Variants in TMC1 observed in about 807,000 individuals in gnomAD.
TMC1 encodes transmembrane channel-like protein 1.
In TMC1, 84 loss-of-function variants were observed where a neutral mutation model predicts 105.8. That is an observed-to-expected ratio of 0.79 (90% CI 0.67 to 0.95). The LOEUF (loss-of-function observed/expected upper bound fraction) is 0.95. Among genes scored for constraint, TMC1 ranks in the 40% least tolerant of loss-of-function variants. The pLI, the probability that TMC1 is intolerant of heterozygous loss-of-function variation, is 0.00. For synonymous variants in TMC1, 315 were observed against 311.5 expected, an observed-to-expected ratio of 1.01 and a Z score of -0.12; for missense variants, 817 against 914.1, an observed-to-expected ratio of 0.89 and a Z score of 1.37.
chr9:72,645,479 G>T (rs2132147311), intron 4 of TMC1, among the ~76,000 whole-genome samples: 1 of 152,242 alleles, frequency 6.6e-6, no homozygotes, highest in East Asian at 1.9e-4. Context: ...CAAAATAAGA[G>T]CAGACCAGTC....
rs142655809 is a variant in TMC1 at position 72,686,941 on chromosome 9, G to A, written c.17-1768G>A. 4.0e-4 allele frequency among the ~76,000 whole-genome samples: 61 copies of A among 152,150 alleles called. 2 individuals are homozygous for A. Among genetic ancestry groups the A allele is most frequent in the African/African-American group, 7.7e-4 (32 of 41,502 alleles). Reference sequence around the variant, plus strand: ...ATTTATAAACTATTCCTTCTGTGCCGGAGAAGATGATTCATGACTCTAGCC... The same window carrying A: ...ATTTATAAACTATTCCTTCTGTGCCAGAGAAGATGATTCATGACTCTAGCC... On this transcript the variant is annotated intron_variant, in intron 5 of 23. Transcript: ENST00000297784.
intron 8 of TMC1, among the ~76,000 whole-genome samples, chr9:72,724,677 C>A (rs1347504837): frequency 6.6e-6 from 1 of 152,066 alleles, no homozygotes; most frequent in African/African-American, 2.4e-5. Flanking sequence ...CATTTCATTG[C>A]ACCCTATTTT....
chr9:72,647,727 G>T (rs564305585), intron 4 of TMC1, among the ~76,000 whole-genome samples: 22 of 152,168 alleles, frequency 1.4e-4, no homozygotes, highest in African/African-American at 4.6e-4. Flanking sequence ...TGCACAAATT[G>T]ATTTGTGTAG....
chr9:72,777,826 A>G (rs183619378), intron 13 of TMC1, among the ~76,000 whole-genome samples: 5 of 152,376 alleles, frequency 3.3e-5, no homozygotes, highest in Admixed American at 6.5e-5. Context: ...AATAACAAGC[A>G]TATGTGGTAT....
intron 10 of TMC1, among the ~76,000 whole-genome samples, chr9:72,750,212 T>C (rs1240480244): frequency 6.6e-6 from 1 of 152,240 alleles, no homozygotes; most frequent in Non-Finnish European, 1.5e-5. Context: ...TTGCTACCCA[T>C]GAACCTTCCT....
In TMC1 at chr9:72,805,546, T is replaced by A. The variant is rs964428995; in HGVS notation, c.1695+36T>A. The A allele has an allele frequency of 9.7e-4, 1,373 of 1,412,350 alleles. 1 individual carries two copies. Among genetic ancestry groups the A allele is most frequent in the African/African-American group, 4.4e-3 (296 of 66,974 alleles). 87.5% of individuals were successfully genotyped at this position (1,412,350 alleles called of 1,614,324 possible). A position where few individuals can be genotyped will look rare whatever the true frequency, so the allele number is the denominator to read the frequency against. ...TGTTAATTTTGCTTTTTTTTTTTTT[T>A]AAATTTATTTATTTTTTATTGATAA... is the stretch of plus-strand genomic sequence containing the variant. On this transcript the variant is annotated intron_variant, in intron 18 of 23. Coordinates refer to ENST00000297784, the MANE Select transcript of TMC1 (RefSeq NM_138691.3).
intron 1 of TMC1, among the ~76,000 whole-genome samples, chr9:72,535,915 A>G (rs774925034): frequency 5.3e-5 from 8 of 152,138 alleles, no homozygotes; most frequent in Non-Finnish European, 1.2e-4. Flanking sequence ...GCATTAATTT[A>G]TTCGTGAATG....
chr9:72,591,158 C>T (rs1216339699), intron 2 of TMC1, among the ~76,000 whole-genome samples: 1 of 152,032 alleles, frequency 6.6e-6, no homozygotes, highest in Non-Finnish European at 1.5e-5. Flanking sequence ...TTGGTTTGCC[C>T]TGTAGGTGTT....
At chr9:72,641,810 C>CTTTTTTTT (rs896125209) in intron 4 of TMC1, among the ~76,000 whole-genome samples, 5 of 86,996 alleles carry the variant, frequency 5.7e-5, no homozygotes, top group Non-Finnish European at 8.5e-5. Flanking sequence ...AGTCCCAAAT[C>CTTTTTTTT]TTTTTTTTTT....
At chr9:72,830,738 C>CA in intron 23 of TMC1, 56 bp downstream of exon 23, 2 of 1,146,922 alleles carry the variant, frequency 1.7e-6, no homozygotes, top group Non-Finnish European at 2.4e-6. Context: ...CTTTTTCTTT[C>CA]TTTTTTTTTT....
chr9:72,579,198 A>AGAG (rs1471029033), intron 2 of TMC1, among the ~76,000 whole-genome samples: 1 of 152,218 alleles, frequency 6.6e-6, no homozygotes, highest in Non-Finnish European at 1.5e-5. Flanking sequence ...GTATTTACTC[A>AGAG]CACTGATCCT....
Position 72,675,676 on chromosome 9 carries a change from C to CA in TMC1, c.17-13026dup, listed in dbSNP as rs531848234. On this transcript the variant is annotated intron_variant, in intron 5 of 23. Transcript: ENST00000297784. ...GAAATTGATTTCTTTAGACTGAAAA[C>CA]AAAAAAATCACTTACAATCAGGATA... is the stretch of plus-strand genomic sequence containing the variant. Among the ~76,000 whole-genome samples, 219 of 152,108 alleles carry CA rather than the reference C, an allele frequency of 1.4e-3. 1 individual carries two copies. Among genetic ancestry groups the CA allele is most frequent in the African/African-American group, 4.9e-3 (205 of 41,508 alleles).
At chr9:72,835,524 T>C (rs774620958) in intron 23 of TMC1, among the ~76,000 whole-genome samples, 5 of 152,230 alleles carry the variant, frequency 3.3e-5, no homozygotes, top group Non-Finnish European at 5.9e-5. Context: ...TTGTTATCTT[T>C]ATTGTTTTAA....
At chr9:72,741,110 CTTTTT>C (rs11361430) in intron 9 of TMC1, 1 of 151,102 alleles carries the variant, frequency 6.6e-6, no homozygotes, top group African/African-American at 2.5e-5. Context: ...TATGAGTAAT[CTTTTT>C]TTTTTTTGTT....
intron 23 of TMC1, 99 bp from the exon 24 acceptor site, chr9:72,835,852 A>G (rs1200555415): frequency 1.4e-6 from 2 of 1,405,108 alleles, no homozygotes; most frequent in East Asian, 2.4e-5. Context: ...ATTCAGAACC[A>G]TTAAGCACAC....
intron 5 of TMC1, among the ~76,000 whole-genome samples, chr9:72,681,842 C>A (rs929399807): frequency 2.6e-5 from 4 of 152,054 alleles, no homozygotes; most frequent in African/African-American, 9.7e-5. Flanking sequence ...TGTGTTTCTC[C>A]ATAGGCTTCA....
At chr9:72,628,118 G>A (rs544965282) in intron 4 of TMC1, 55 bp downstream of exon 4, 7 of 455,266 alleles carry the variant, frequency 1.5e-5, no homozygotes, top group African/African-American at 1.4e-4. Flanking sequence ...CATTGTACTG[G>A]CCTTTCACAT....
Position 72,834,850 on chromosome 9 carries a change from C to A in TMC1, c.2261-1101C>A, listed in dbSNP as rs554606620. ...CTGTTTCGTTTTTTAATAACCCCCA[C>A]CCCTTTGCCCCACCAAGCTTGACTG... On this transcript the variant is annotated intron_variant, in intron 23 of 23. Transcript: ENST00000297784. Among the ~76,000 whole-genome samples, 3 of 152,246 alleles carry A rather than the reference C, an allele frequency of 2.0e-5. No homozygotes were observed. In the South Asian group the frequency reaches 6.2e-4, roughly 32 times the overall value.
intron 8 of TMC1, among the ~76,000 whole-genome samples, chr9:72,725,050 C>T (rs1254300502): frequency 6.6e-6 from 1 of 151,844 alleles, no homozygotes; most frequent in Non-Finnish European, 1.5e-5. Flanking sequence ...TTATCCAGAT[C>T]TCAGGTAAGG....
Sources: gnomAD v4.1 joint callset for allele counts (sites outside exome capture counted in the v4.1 genomes callset) on GRCh38, gnomAD v4.1.1 for gene constraint, MANE v1.5 for transcripts, NCBI Gene and HGNC (gene_info 2026-07-23, HGNC 2026-07-21) for gene names.